The following SF3A3 variants were observed in gnomAD, a reference collection of about 807,000 sequenced individuals.
SF3A3 encodes SAP 61.
SF3A3 carries 9 observed loss-of-function variants against 85.8 expected under a neutral mutation model. That is an observed-to-expected ratio of 0.10 (90% confidence interval 0.06 to 0.18). The LOEUF is 0.18. Ranked by LOEUF, SF3A3 falls within the 10% of genes least tolerant of loss-of-function variation. The probability of loss-of-function intolerance (pLI) is 1.00; values close to 1 mark genes in which losing one functional copy is unlikely to be tolerated. For synonymous variants in SF3A3, 195 were observed against 204.4 expected (o/e 0.95, Z 0.39); for missense variants, 306 against 593.3 (o/e 0.52, Z 5.03).
At chr1:37,970,742 T>C (rs1439417852) in intron 12 of SF3A3, among the ~76,000 whole-genome samples, 1 of 152,190 alleles carries the variant, frequency 6.6e-6, no homozygotes, top group Admixed American at 6.5e-5. Context: ...CTGAACAACC[T>C]GCTCCTGAAT....
At chr1:37,982,708 C>T (rs981450377) in intron 6 of SF3A3, among the ~76,000 whole-genome samples, 2 of 152,040 alleles carry the variant, frequency 1.3e-5, no homozygotes, top group African/African-American at 2.4e-5. Flanking sequence ...TAAGAAAAGA[C>T]ATTAAATACC....
At chr1:37,975,246 A>C (rs997614951) in intron 12 of SF3A3, among the ~76,000 whole-genome samples, 2 of 152,126 alleles carry the variant, frequency 1.3e-5, no homozygotes, top group African/African-American at 4.8e-5. Flanking sequence ...TAAAGGATGG[A>C]GAGGCCGTCG....
chr1:37,980,839 CTCTTT>C (rs1227642833), intron 7 of SF3A3, 115 bp from the exon 8 acceptor site: 16 of 309,516 alleles, frequency 5.2e-5, no homozygotes, highest in African/African-American at 2.0e-4. Flanking sequence ...CTTTTTAATA[CTCTTT>C]TTTTTTTTTT....
chr1:37,984,071 G>A, intron 6 of SF3A3, 98 bp downstream of exon 6: 1 of 591,484 alleles, frequency 1.7e-6, no homozygotes, highest in Non-Finnish European at 3.1e-6. Context: ...TAAAACACAA[G>A]GAAGACACTT....
intron 9 of SF3A3, 58 bp from the exon 10 acceptor site, chr1:37,979,113 A>G: frequency 2.8e-6 from 4 of 1,408,612 alleles, no homozygotes; most frequent in Non-Finnish European, 4.0e-6. Flanking sequence ...GGAAACCCCA[A>G]ATGCAGGCCA....
rs1337659540 is a variant in SF3A3 at position 37,987,803 on chromosome 1, A to G, written c.178T>C (p.Leu60=). The G allele has an allele frequency of 1.2e-6, 2 of 1,613,514 alleles. No individual in the cohort carries two copies. The highest frequency in any genetic ancestry group is 4.5e-5 in the East Asian group (2 of 44,896). ...YMEVSGNLRD[L]YDDKDGLRKE... ...ACTTACCCATCCTTATCATCATACA[A>G]ATCCCTCAGGTTCCCACTGACCTCC... Residue 60 remains leucine, a synonymous_variant, in exon 3 of 17, where the codon TTG becomes CTG. Transcript: ENST00000373019.
chr1:37,968,774 A>G (rs1379553201), intron 14 of SF3A3, among the ~76,000 whole-genome samples: 1 of 152,168 alleles, frequency 6.6e-6, no homozygotes, highest in Non-Finnish European at 1.5e-5. Flanking sequence ...AGAGGAGTTC[A>G]TATAAATTTG....
At position 37,980,629 on chromosome 1, in the gene SF3A3, T is replaced by G; in HGVS notation, c.647A>C (p.Glu216Ala). The change falls in exon 8 of 17, where the codon GAG (glutamate) becomes GCG (alanine). Residue 216 changes from glutamate to alanine, a missense_variant. This residue lies in a region of SF3A3 where 136 missense variants were observed against 296.6 expected (regional missense o/e 0.46). Coordinates refer to ENST00000373019, the MANE Select transcript of SF3A3 (RefSeq NM_006802.4). Reference sequence around the variant, plus strand: ...CCCATTCTCCCATTTCTTCTCAAACTCAGCCTGAATCTTCCCAAAAAGTTC... The same window carrying G: ...CCCATTCTCCCATTTCTTCTCAAACGCAGCCTGAATCTTCCCAAAAAGTTC... The part of the protein sequence containing the change: ...QNELFGKIQA[E>A]FEKKWENGTF... The G allele has an allele frequency of 6.2e-7, 1 of 1,614,034 alleles. No homozygotes were observed.
At position 37,983,869 on chromosome 1, in the gene SF3A3, C is replaced by G. The variant is rs1172451827; in HGVS notation, c.468+300G>C. Among the ~76,000 whole-genome samples the G allele has an allele frequency of 3.3e-5, 5 of 151,800 alleles. No individual in the cohort carries two copies. The East Asian group carries it at 9.7e-4, about 29-fold the overall frequency. On this transcript the variant is annotated intron_variant, in intron 6 of 16. Transcript: ENST00000373019. ...CAGGAGATCACTTGAGCCCAGAAGTCGAGGTTGCAGTGAGCAAAGATCATA... is the reference window on the plus strand; with the variant it reads ...CAGGAGATCACTTGAGCCCAGAAGTGGAGGTTGCAGTGAGCAAAGATCATA...
chr1:37,959,914 C>G (rs889598368), intron 16 of SF3A3, among the ~76,000 whole-genome samples: 1 of 142,530 alleles, frequency 7.0e-6, no homozygotes, highest in African/African-American at 2.6e-5. Flanking sequence ...GCTGACATTG[C>G]ACCACTGCAC....
chr1:37,964,955 T>C (rs1646288948), intron 15 of SF3A3, among the ~76,000 whole-genome samples: 1 of 152,100 alleles, frequency 6.6e-6, no homozygotes, highest in Non-Finnish European at 1.5e-5. Context: ...GGTCAGAAGT[T>C]CCAGGCCAGC....
chr1:37,968,147 A>G lies in SF3A3; in HGVS notation c.1282-13T>C. On this transcript the variant is annotated splice_polypyrimidine_tract_variant and intron_variant, in intron 14 of 16. Coordinates refer to ENST00000373019, the MANE Select transcript of SF3A3 (RefSeq NM_006802.4). Reference sequence around the variant, plus strand: ...CATGACGCCATTCCTGGGAGAAGAGAGAAGCAAAAGGATCATGTGAAATGG... The same window carrying G: ...CATGACGCCATTCCTGGGAGAAGAGGGAAGCAAAAGGATCATGTGAAATGG... The G allele has an allele frequency of 6.4e-7, 1 of 1,554,582 alleles. No homozygotes were observed. The highest frequency in any genetic ancestry group is 8.9e-7 in the Non-Finnish European group (1 of 1,126,086).
chr1:37,972,763 G>A (rs192775148), intron 12 of SF3A3, among the ~76,000 whole-genome samples: 35 of 152,306 alleles, frequency 2.3e-4, no homozygotes, highest in Middle Eastern at 3.4e-3. Flanking sequence ...ACAAAAACAA[G>A]AAATGGGGAA....
Position 37,989,944 on chromosome 1 carries a change from G to A in SF3A3, c.22C>T (p.Gln8Ter). METILEQ[Q>*]RRYHEEKERL... ...TCCTTCTCCTCATGATAGCGCCGCT[G>A]CTGCTCCAGTATTGTCTCCATCTTC... The change falls in exon 1 of 17, where the codon CAG (glutamine) becomes TAG (stop). Residue 8 changes from glutamine (Q) to a stop codon, truncating the protein, a stop_gained. Coordinates refer to ENST00000373019, the MANE Select transcript of SF3A3 (RefSeq NM_006802.4). LOFTEE classifies it high-confidence loss of function. 6.2e-7 allele frequency: 1 copy of A among 1,612,480 alleles called. No individual in the cohort carries two copies. Among genetic ancestry groups the A allele is most frequent in the Non-Finnish European group, 8.5e-7 (1 of 1,179,674 alleles).
chr1:37,971,444 C>T (rs1486573194), intron 12 of SF3A3, among the ~76,000 whole-genome samples: 2 of 152,164 alleles, frequency 1.3e-5, no homozygotes, highest in Non-Finnish European at 2.9e-5. Flanking sequence ...AGAGCTGGTA[C>T]CATTCCTTCT....
chr1:37,962,285 CAAAAAAAAAAAAAAAAAAA>C (rs10559284), intron 15 of SF3A3, among the ~76,000 whole-genome samples: 5 of 26,538 alleles, frequency 1.9e-4, no homozygotes, highest in East Asian at 1.8e-3. Context: ...GCGAGACTGT[CAAAAAAAAAAAAAAAAAAA>C]AAAAAAAAAA....
At chr1:37,979,645 CAG>C in intron 8 of SF3A3, 112 bp from the exon 9 acceptor site, 3 of 675,144 alleles carry the variant, frequency 4.4e-6, no homozygotes, top group Non-Finnish European at 5.1e-6. Flanking sequence ...TGCTTGAGTT[CAG>C]GAGTTAGAGA....
At chr1:37,969,511 A>G (rs1163175858) in intron 13 of SF3A3, 47 bp from the exon 14 acceptor site, 24 of 1,613,224 alleles carry the variant, frequency 1.5e-5, no homozygotes, top group Non-Finnish European at 2.0e-5. Flanking sequence ...TTAGCCTACT[A>G]AACTCTGTAT....
chr1:37,976,362 C>A lies in SF3A3; in HGVS notation c.1005+522G>T, dbSNP rs576266411. On this transcript the variant is annotated intron_variant, in intron 12 of 16. Coordinates refer to ENST00000373019, the MANE Select transcript of SF3A3 (RefSeq NM_006802.4). The stretch of plus-strand genomic sequence containing the variant: ...TGGTCAGGCTAGGCCTTTCTCTACC[C>A]CAACCCACACTTCAGCTCCTCCTGA... Among the ~76,000 whole-genome samples, 31 of 152,238 alleles carry A rather than the reference C, an allele frequency of 2.0e-4. No homozygotes were observed. The South Asian group carries it at 6.2e-3, about 31-fold the overall frequency.
Sources: allele counts gnomAD v4.1 joint callset (sites outside exome capture counted in the v4.1 genomes callset), GRCh38; gene constraint gnomAD v4.1.1; regional missense constraint gnomAD v4.1.1; transcripts MANE v1.5; gene names NCBI Gene and HGNC (gene_info 2026-07-23, HGNC 2026-07-21).